Variants in SPAG1 observed in about 807,000 individuals in gnomAD.
The protein encoded by SPAG1 is sperm-associated antigen 1.
Under a neutral mutation model 100.5 loss-of-function variants are expected in SPAG1, and 69 were observed. The observed-to-expected ratio is 0.69, with a 90% CI of 0.57 to 0.84. SPAG1 has a LOEUF of 0.84. SPAG1 is among the 40% of genes least tolerant of loss of function. The pLI is 0.00. For synonymous variants in SPAG1, 336 were observed against 411.6 expected, an observed-to-expected ratio of 0.82 and a Z score of 2.22; for missense variants, 955 against 1,133.1, an observed-to-expected ratio of 0.84 and a Z score of 2.26.
intron 10 of SPAG1, among the ~76,000 whole-genome samples, chr8:100,205,420 A>G (rs577221647): frequency 3.3e-5 from 5 of 152,212 alleles, no homozygotes; most frequent in Non-Finnish European, 5.9e-5. Flanking sequence ...GTATGGACTT[A>G]GGGAGTTCAG....
Position 100,213,141 on chromosome 8 carries a change from G to C in SPAG1, c.1148G>C (p.Gly383Ala), listed in dbSNP as rs1445490858. 1.6e-5 allele frequency: 24 copies of C among 1,484,640 alleles called. No individual in the cohort carries two copies. The highest frequency in any genetic ancestry group is 3.5e-4 in the Middle Eastern group (2 of 5,734). 92.0% of individuals were successfully genotyped at this position (1,484,640 alleles called of 1,614,324 possible). A position where few individuals can be genotyped will look rare whatever the true frequency, so the allele number is the denominator to read the frequency against. Residue 383 changes from glycine (G) to alanine (A), a missense_variant, in exon 11 of 19, where the codon GGC (glycine) becomes GCC (alanine). By Grantham distance (60) the Gly-to-Ala change is moderately conservative. Coordinates refer to ENST00000388798, the MANE Select transcript of SPAG1 (RefSeq NM_003114.5). Reference protein sequence around the residue: ...AARAAQPCVMGNIQKKLTGKA... With the variant: ...AARAAQPCVMANIQKKLTGKA... ...CGCGCCGCCCAGCCGTGCGTCATGG[G>C]CAACATCCAGAAGAAGCTGACTGGC... is the stretch of plus-strand genomic sequence containing the variant.
chr8:100,235,454 T>TGG (rs2132433319), intron 16 of SPAG1, among the ~76,000 whole-genome samples: 1 of 152,116 alleles, frequency 6.6e-6, no homozygotes, highest in South Asian at 2.1e-4. Flanking sequence ...GGGGAAGTGA[T>TGG]GGAGGGGATG....
rs571468274 is a variant in SPAG1, at chr8:100,166,002, T to C, written c.300+29T>C. The C allele has an allele frequency of 1.6e-4, 257 of 1,561,012 alleles. 1 individual carries two copies. In the South Asian group the frequency reaches 2.8e-3, roughly 17 times the overall value. ...TATAGTAATACCAATTTTCCATAGATATTGTTGAGACATTCTATATATGTT... is the reference window on the plus strand; with the variant it reads ...TATAGTAATACCAATTTTCCATAGACATTGTTGAGACATTCTATATATGTT... On this transcript the variant is annotated intron_variant, in intron 3 of 18. Coordinates refer to ENST00000388798, the MANE Select transcript of SPAG1 (RefSeq NM_003114.5).
chr8:100,204,842 A>G (rs978777844), intron 10 of SPAG1, among the ~76,000 whole-genome samples: 2 of 152,190 alleles, frequency 1.3e-5, no homozygotes, highest in African/African-American at 2.4e-5. Context: ...CTCACCTACA[A>G]AATTTAAATA....
chr8:100,194,235 G>A lies in SPAG1; in HGVS notation c.1063G>A (p.Gly355Arg), dbSNP rs759277423. ...CTCCGAAGATGAAGAAGGAAAAAGC[G>A]GAAGAAAACATGAAGATGGCGGTGG... ...ENSEDEEGKS[G>R]RKHEDGGGDK... The change falls in exon 10 of 19, where the codon GGA (glycine) becomes AGA (arginine). Residue 355 changes from glycine (G) to arginine (R), a missense_variant. Transcript: ENST00000388798. 1.8e-5 allele frequency: 29 copies of A among 1,605,774 alleles called. No individual in the cohort carries two copies. In the East Asian group the frequency reaches 2.0e-4, roughly 11 times the overall value.
intron 10 of SPAG1, among the ~76,000 whole-genome samples, chr8:100,212,346 A>T (rs978975597): frequency 2.6e-5 from 4 of 152,236 alleles, no homozygotes. Context: ...GTACTTTTTA[A>T]CGGTGCTGTG....
intron 16 of SPAG1, among the ~76,000 whole-genome samples, chr8:100,237,998 A>T (rs946631504): frequency 3.9e-5 from 6 of 152,124 alleles, no homozygotes; most frequent in African/African-American, 1.4e-4. Flanking sequence ...CTTCATTTTT[A>T]AAATGGGAAC....
chr8:100,177,790 A>G, intron 3 of SPAG1, 26 bp from the exon 4 acceptor site: 2 of 1,322,340 alleles, frequency 1.5e-6, no homozygotes, highest in Non-Finnish European at 2.1e-6. Context: ...TTCAAACTAT[A>G]TATTTACCCT....
chr8:100,237,861 C>T (rs1819075832), intron 16 of SPAG1, among the ~76,000 whole-genome samples: 1 of 152,128 alleles, frequency 6.6e-6, no homozygotes, highest in Non-Finnish European at 1.5e-5. Flanking sequence ...ATCCTATTGA[C>T]TCCTAGGGTG....
chr8:100,161,564 G>T (rs1329639690), intron 1 of SPAG1, among the ~76,000 whole-genome samples: 26 of 151,926 alleles, frequency 1.7e-4, no homozygotes, highest in Admixed American at 1.7e-3. Context: ...TGACAAAATA[G>T]AAAAGGAATT....
chr8:100,213,044 C>G, intron 10 of SPAG1, 46 bp from the exon 11 acceptor site: 1 of 1,383,280 alleles, frequency 7.2e-7, no homozygotes, highest in Non-Finnish European at 9.4e-7. Flanking sequence ...GCGGCAACTG[C>G]TCCCGGTGAT....
rs776361067 is a variant in SPAG1, at chr8:100,239,308, G to A, written c.2184G>A (p.Lys728=). The A allele has an allele frequency of 6.4e-7, 1 of 1,561,680 alleles. No homozygotes were observed. Among genetic ancestry groups the A allele is most frequent in the Non-Finnish European group, 8.7e-7 (1 of 1,154,804 alleles). Residue 728 remains lysine (K), a synonymous_variant, in exon 17 of 19, where the codon AAG becomes AAA. Transcript: ENST00000388798. This position sits in a 1 kb window ranked among gnomAD's most constrained non-coding sequence, Gnocchi z 5.0. ...ILLDPSIIEA[K]MELEEVTRLL... ...TAGATCCAAGTATTATTGAGGCAAAGATGGAACTGGAAGAGGTAACTAGAC... is the reference window on the plus strand; with the variant it reads ...TAGATCCAAGTATTATTGAGGCAAAAATGGAACTGGAAGAGGTAACTAGAC...
In SPAG1 at chr8:100,184,618, TTA is replaced by T. The variant is rs1285957162; in HGVS notation, c.596-8_596-7del. On this transcript the variant is annotated splice_polypyrimidine_tract_variant and splice_region_variant and intron_variant, in intron 6 of 18. Transcript: ENST00000388798. ...TACGTTTACATATAGCAGATAACAT[TTA>T]TTTCTAGGTCTAACTGAGAAAGAAA... 1 of 1,494,592 alleles carries T rather than the reference TTA, an allele frequency of 6.7e-7. No homozygotes were observed. Among genetic ancestry groups the T allele is most frequent in the Non-Finnish European group, 9.0e-7 (1 of 1,107,904 alleles). The allele number at this position is 1,494,592 out of a possible 1,614,324, so 92.6% of individuals were successfully genotyped here. A position where few individuals can be genotyped will look rare whatever the true frequency, so the allele number is the denominator to read the frequency against.
intron 4 of SPAG1, among the ~76,000 whole-genome samples, chr8:100,183,003 T>G (rs192593010): frequency 6.6e-6 from 1 of 152,274 alleles, no homozygotes; most frequent in East Asian, 1.9e-4. Context: ...TGAGACAGTT[T>G]CTCTTTGTCA....
intron 10 of SPAG1, among the ~76,000 whole-genome samples, chr8:100,199,845 G>A (rs902553841): frequency 5.3e-5 from 8 of 151,508 alleles, no homozygotes; most frequent in Non-Finnish European, 1.0e-4. Flanking sequence ...AATATGATTT[G>A]CAAATACTTT....
In SPAG1 at chr8:100,195,236, C is replaced by T. The variant is rs947136834; in HGVS notation, c.1096+968C>T. Among the ~76,000 whole-genome samples the T allele has an allele frequency of 1.0e-3, 151 of 151,414 alleles. 1 individual carries two copies. Among genetic ancestry groups the T allele is most frequent in the African/African-American group, 3.4e-3 (142 of 41,294 alleles). ...AGAACACCTGAGCAACTGGCAGTGG[C>T]GGGGCAGTGGAGGGGGGAGATATTA... On this transcript the variant is annotated intron_variant, in intron 10 of 18. Transcript: ENST00000388798.
chr8:100,223,813 T>C (rs1446460342), intron 13 of SPAG1, among the ~76,000 whole-genome samples: 2 of 152,104 alleles, frequency 1.3e-5, no homozygotes, highest in African/African-American at 4.8e-5. Context: ...TCTGCAATTC[T>C]GGGTGGTTAT....
chr8:100,170,205 A>AT (rs551737842), intron 3 of SPAG1, among the ~76,000 whole-genome samples: 2 of 151,926 alleles, frequency 1.3e-5, no homozygotes, highest in Admixed American at 6.6e-5. Flanking sequence ...TAAGTCTTCA[A>AT]TTTTTTTTAC....
intron 10 of SPAG1, among the ~76,000 whole-genome samples, chr8:100,196,183 T>C (rs1817022529): frequency 6.6e-6 from 1 of 152,224 alleles, no homozygotes; most frequent in Non-Finnish European, 1.5e-5. Context: ...CTATACACAC[T>C]CATTTGCAGG....
Sources: gnomAD v4.1 joint callset for allele counts (sites outside exome capture counted in the v4.1 genomes callset) on GRCh38, gnomAD v4.1.1 for gene constraint, Gnocchi (gnomAD v3.1) non-coding constraint, MANE v1.5 for transcripts, NCBI Gene and HGNC (gene_info 2026-07-23, HGNC 2026-07-21) for gene names.